The following STPG2 variants were observed in gnomAD, a reference collection of about 807,000 sequenced individuals.
The protein encoded by STPG2 is sperm-tail PG-rich repeat-containing protein 2.
In STPG2, 56 loss-of-function variants were observed where a neutral mutation model predicts 54.2. The observed-to-expected ratio is 1.03, with a 90% CI of 0.83 to 1.29. The LOEUF (loss-of-function observed/expected upper bound fraction) is 1.29. STPG2 is among the 50% of genes most tolerant of loss of function. The pLI is 0.00. For synonymous variants in STPG2, 200 were observed against 181.8 expected, an observed-to-expected ratio of 1.10 and a Z score of -0.81; for missense variants, 596 against 544.9, an observed-to-expected ratio of 1.09 and a Z score of -0.93.
chr4:97,902,376 T>A (rs1488174313), intron 8 of STPG2, among the ~76,000 whole-genome samples: 1 of 152,034 alleles, frequency 6.6e-6, no homozygotes, highest in Non-Finnish European at 1.5e-5. Flanking sequence ...ACCTACAGAA[T>A]AAAAGAAAAT....
intron 5 of STPG2, among the ~76,000 whole-genome samples, chr4:98,085,946 T>C (rs1738490185): frequency 6.6e-6 from 1 of 152,054 alleles, no homozygotes; most frequent in Admixed American, 6.6e-5. Context: ...TTTGTTCCAG[T>C]ATAAAGATGA....
intron 7 of STPG2, among the ~76,000 whole-genome samples, chr4:97,959,106 A>T (rs1733791871): frequency 6.6e-6 from 1 of 152,188 alleles, no homozygotes; most frequent in South Asian, 2.1e-4. Flanking sequence ...AAATTAAATA[A>T]TATGCTCCTG....
intron 4 of STPG2, among the ~76,000 whole-genome samples, chr4:97,511,575 AACAGTAAC>A (rs1730973330): frequency 6.6e-6 from 1 of 152,072 alleles, no homozygotes; most frequent in African/African-American, 2.4e-5. Flanking sequence ...ACAACAAAAA[AACAGTAAC>A]ACTTTTGAAG....
intron 10 of STPG2, among the ~76,000 whole-genome samples, chr4:97,637,882 T>C (rs1173669096): frequency 6.6e-6 from 1 of 152,078 alleles, no homozygotes; most frequent in Non-Finnish European, 1.5e-5. Flanking sequence ...TGCTCATGGG[T>C]AGGAAGAATC....
intron 9 of STPG2, among the ~76,000 whole-genome samples, chr4:97,753,736 T>C (rs1191598273): frequency 6.6e-6 from 1 of 152,046 alleles, no homozygotes; most frequent in Non-Finnish European, 1.5e-5. Context: ...AGTGGTTCTC[T>C]CATTGTGTGT....
intron 10 of STPG2, among the ~76,000 whole-genome samples, chr4:97,666,467 T>C (rs1382606000): frequency 1.3e-5 from 2 of 152,226 alleles, no homozygotes; most frequent in Admixed American, 1.3e-4. Flanking sequence ...TTTTAGATTT[T>C]CTGATGTTAA....
At chr4:97,622,141 C>T (rs1381379615) in intron 10 of STPG2, among the ~76,000 whole-genome samples, 1 of 152,088 alleles carries the variant, frequency 6.6e-6, no homozygotes, top group East Asian at 1.9e-4. Context: ...ATAATAAGAG[C>T]CACCTATGAC....
At chr4:97,846,518 A>T (rs1480189628) in intron 8 of STPG2, among the ~76,000 whole-genome samples, 1 of 150,716 alleles carries the variant, frequency 6.6e-6, no homozygotes, top group Non-Finnish European at 1.5e-5. Flanking sequence ...CCAGCTACTC[A>T]GGAGGCTGAG....
chr4:97,667,784 C>T (rs977157548), intron 10 of STPG2, among the ~76,000 whole-genome samples: 25 of 152,042 alleles, frequency 1.6e-4, no homozygotes, highest in African/African-American at 5.8e-4. Flanking sequence ...CTACATTTTG[C>T]CATTCTCTCA....
intron 9 of STPG2, among the ~76,000 whole-genome samples, chr4:97,749,090 C>A (rs1725503692): frequency 1.3e-5 from 2 of 151,604 alleles, no homozygotes; most frequent in Non-Finnish European, 3.0e-5. Context: ...TGACAAGGGA[C>A]TTCAAATTAG....
intron 9 of STPG2, among the ~76,000 whole-genome samples, chr4:97,725,146 T>A (rs73834184): frequency 0.018 from 2,681 of 152,142 alleles, 73 homozygotes; most frequent in African/African-American, 0.061. Flanking sequence ...GGGAAGGCAG[T>A]CGGGTGTTCT....
intron 9 of STPG2, among the ~76,000 whole-genome samples, chr4:97,802,679 C>T (rs1031562882): frequency 6.6e-6 from 1 of 152,096 alleles, no homozygotes; most frequent in Non-Finnish European, 1.5e-5. Context: ...CCATGTTGGC[C>T]AGGCTGGTCT....
chr4:98,142,987 G>A (rs1232693512), intron 1 of STPG2, 55 bp downstream of exon 1: 1 of 1,460,822 alleles, frequency 6.8e-7, no homozygotes, highest in East Asian at 2.4e-5. Context: ...CAGAAGCGGA[G>A]CAGGCTGAAG....
At chr4:97,536,290 A>C (rs1399412264) in intron 4 of STPG2, among the ~76,000 whole-genome samples, 1 of 152,152 alleles carries the variant, frequency 6.6e-6, no homozygotes, top group African/African-American at 2.4e-5. Flanking sequence ...AGAATTTGTA[A>C]TACCATGTCA....
chr4:97,532,300 T>G, intron 4 of STPG2, among the ~76,000 whole-genome samples: 1 of 152,264 alleles, frequency 6.6e-6, no homozygotes, highest in East Asian at 1.9e-4. Context: ...TATTTGCAGT[T>G]AAAATGTTCA....
At chr4:97,526,356 T>C (rs368979837) in intron 4 of STPG2, among the ~76,000 whole-genome samples, 1 of 152,128 alleles carries the variant, frequency 6.6e-6, no homozygotes. Flanking sequence ...AGAGGTAACA[T>C]TAACATTTAG....
intron 5 of STPG2, among the ~76,000 whole-genome samples, chr4:98,094,020 C>T (rs1738770440): frequency 6.6e-6 from 1 of 152,146 alleles, no homozygotes; most frequent in African/African-American, 2.4e-5. Flanking sequence ...TAGTAGTAGA[C>T]TGGGTTTAGA....
At chr4:97,721,150 A>T (rs1189393732) in intron 9 of STPG2, among the ~76,000 whole-genome samples, 1 of 152,122 alleles carries the variant, frequency 6.6e-6, no homozygotes, top group Non-Finnish European at 1.5e-5. Flanking sequence ...ACGTATAGCA[A>T]GAGATGAAAA....
intron 10 of STPG2, among the ~76,000 whole-genome samples, chr4:97,620,497 C>G (rs1171433844): frequency 6.6e-6 from 1 of 151,894 alleles, no homozygotes; most frequent in Admixed American, 6.6e-5. Context: ...GGTGGCTGGT[C>G]TAATTTCAGA....
Sources: allele counts gnomAD v4.1 joint callset (sites outside exome capture counted in the v4.1 genomes callset), GRCh38; gene constraint gnomAD v4.1.1; transcripts MANE v1.5; gene names NCBI Gene and HGNC (gene_info 2026-07-23, HGNC 2026-07-21).